BTBD16: variants seen among roughly 807,000 people sequenced by gnomAD.
BTBD16 encodes the protein BTB/POZ domain-containing protein 16.
BTBD16 carries 66 observed loss-of-function variants against 67.4 expected under a neutral mutation model. The ratio of observed to expected loss-of-function variants is 0.98; its 90% confidence interval spans 0.80 to 1.20. BTBD16 has a LOEUF of 1.20. BTBD16 is among the 50% of genes most tolerant of loss of function. The pLI is 0.00. For synonymous variants in BTBD16, 242 were observed against 236.4 expected (o/e 1.02, Z -0.22); for missense variants, 634 against 616.0 (o/e 1.03, Z -0.31).
intron 10 of BTBD16, among the ~76,000 whole-genome samples, chr10:122,317,318 A>G (rs368182065): frequency 1.4e-4 from 21 of 152,276 alleles, no homozygotes; most frequent in African/African-American, 4.8e-4. Context: ...TAAAAAGTTT[A>G]TGTTAATTTT....
chr10:122,311,629 C>T (rs529578674), intron 10 of BTBD16, among the ~76,000 whole-genome samples: 4 of 152,284 alleles, frequency 2.6e-5, no homozygotes, highest in Admixed American at 1.3e-4. Context: ...GGCAAATTTT[C>T]AACTTTTTAA....
intron 2 of BTBD16, among the ~76,000 whole-genome samples, chr10:122,275,557 C>G (rs1349512439): frequency 4.6e-5 from 7 of 152,156 alleles, no homozygotes; most frequent in Admixed American, 4.6e-4. Context: ...GAACTGAGAG[C>G]CTCAGAATGT....
At chr10:122,296,838 G>T (rs1212854656) in intron 7 of BTBD16, among the ~76,000 whole-genome samples, 1 of 152,220 alleles carries the variant, frequency 6.6e-6, no homozygotes. Flanking sequence ...GTCAAAGAGG[G>T]AGAGAGAGGG....
intron 1 of BTBD16, among the ~76,000 whole-genome samples, chr10:122,274,109 C>A (rs1039159547): frequency 6.6e-6 from 1 of 152,178 alleles, no homozygotes; most frequent in Non-Finnish European, 1.5e-5. Flanking sequence ...CATCAAGTGC[C>A]GTGGCTTCTG....
chr10:122,278,603 C>T (rs1171681355), intron 3 of BTBD16, among the ~76,000 whole-genome samples: 1 of 152,224 alleles, frequency 6.6e-6, no homozygotes, highest in Non-Finnish European at 1.5e-5. Context: ...TGCCAGTCAA[C>T]ACCCCCTTTA....
At chr10:122,289,374 G>A (rs11200534) in intron 5 of BTBD16, among the ~76,000 whole-genome samples, 3,403 of 152,264 alleles carry the variant, frequency 0.022, 127 homozygotes, top group African/African-American at 0.078. Flanking sequence ...CGAGGGATAC[G>A]TGGGAACTCT....
chr10:122,313,086 C>G (rs2096417080), intron 10 of BTBD16, among the ~76,000 whole-genome samples: 3 of 151,676 alleles, frequency 2.0e-5, no homozygotes, highest in Admixed American at 2.0e-4. Context: ...CCATGTTGGC[C>G]AGGCTGGTCT....
chr10:122,275,035 T>C lies in BTBD16; in HGVS notation c.-42-5T>C. On this transcript the variant is annotated splice_region_variant and splice_polypyrimidine_tract_variant and intron_variant, in intron 1 of 15. Transcript: ENST00000260723. ...AATGTCACCTTTACCTCTTTTGTCT[T>C]CTAGGTTGCTTGTCTTTTCTCTCCT... 1 of 1,609,114 alleles carries C rather than the reference T, an allele frequency of 6.2e-7. No homozygotes were observed. Among genetic ancestry groups the C allele is most frequent in the Non-Finnish European group, 8.5e-7 (1 of 1,175,580 alleles).
intron 11 of BTBD16, among the ~76,000 whole-genome samples, chr10:122,330,187 A>C (rs1176606934): frequency 6.6e-6 from 1 of 152,140 alleles, no homozygotes; most frequent in African/African-American, 2.4e-5. Flanking sequence ...AACACTCCAG[A>C]AACACTGATT....
Position 122,338,015 on chromosome 10 carries a change from A to G in BTBD16, c.1453-2A>G. ...TTCACTTTGTTTTTTTTCATGTTTT[A>G]GACCTTGAAAATCCAAACTGTGGGC... is the stretch of plus-strand genomic sequence containing the variant. On this transcript the variant is annotated splice_acceptor_variant, in intron 15 of 15. Coordinates refer to ENST00000260723, the MANE Select transcript of BTBD16 (RefSeq NM_144587.5). LOFTEE classifies it high-confidence loss of function. 1 of 1,609,354 alleles carries G rather than the reference A, an allele frequency of 6.2e-7. No homozygotes were observed. The highest frequency in any genetic ancestry group is 8.5e-7 in the Non-Finnish European group (1 of 1,176,186).
chr10:122,287,744 G>C (rs1056476155), intron 5 of BTBD16, among the ~76,000 whole-genome samples: 5 of 152,166 alleles, frequency 3.3e-5, no homozygotes, highest in Admixed American at 1.3e-4. Context: ...TGGATTGCTG[G>C]ACTCTGCAGA....
At chr10:122,316,811 G>A (rs1324782145) in intron 10 of BTBD16, among the ~76,000 whole-genome samples, 5 of 149,378 alleles carry the variant, frequency 3.3e-5, no homozygotes, top group African/African-American at 1.2e-4. Context: ...TTTTTGAAAC[G>A]GAGTTTCACT....
rs141688931 is a variant in BTBD16 at position 122,271,746 on chromosome 10, G to A, written c.-43+232G>A. Reference sequence around the variant, plus strand: ...ACAGGCTCTCAAAACACACGAAGGGGCAGATTGCCTGGTGGGATGAAAAAA... The same window carrying A: ...ACAGGCTCTCAAAACACACGAAGGGACAGATTGCCTGGTGGGATGAAAAAA... On this transcript the variant is annotated intron_variant, in intron 1 of 15. Transcript: ENST00000260723. Among the ~76,000 whole-genome samples the A allele has an allele frequency of 6.8e-3, 1,034 of 152,250 alleles. 12 individuals carry two copies. The highest frequency in any genetic ancestry group is 0.023 in the African/African-American group (975 of 41,554).
At chr10:122,295,184 C>G (rs1176692754) in intron 7 of BTBD16, 1 of 448,470 alleles carries the variant, frequency 2.2e-6, no homozygotes, top group East Asian at 1.6e-4. Flanking sequence ...AGGTAAGGAA[C>G]CAGGTAGAAG....
intron 3 of BTBD16, among the ~76,000 whole-genome samples, chr10:122,277,352 C>A (rs1025733710): frequency 6.6e-6 from 1 of 152,064 alleles, no homozygotes; most frequent in African/African-American, 2.4e-5. Flanking sequence ...CATGGCATTC[C>A]GAGCAGTAGG....
chr10:122,298,152 T>A (rs9633734), intron 8 of BTBD16, among the ~76,000 whole-genome samples: 1 of 151,934 alleles, frequency 6.6e-6, no homozygotes, highest in African/African-American at 2.4e-5. Context: ...GAGGTCTAGA[T>A]TCACCTGGGT....
intron 3 of BTBD16, among the ~76,000 whole-genome samples, chr10:122,282,356 C>T (rs2096354847): frequency 1.3e-5 from 2 of 152,208 alleles, no homozygotes; most frequent in Admixed American, 1.3e-4. Context: ...AAGTCCAGCT[C>T]CCACTGCCTG....
intron 10 of BTBD16, among the ~76,000 whole-genome samples, chr10:122,314,380 T>C (rs908847403): frequency 6.6e-6 from 1 of 152,180 alleles, no homozygotes; most frequent in Non-Finnish European, 1.5e-5. Context: ...GGCACACTCC[T>C]GTAGTCCCAA....
intron 1 of BTBD16, among the ~76,000 whole-genome samples, chr10:122,273,989 T>G (rs569872215): frequency 6.6e-6 from 1 of 152,240 alleles, no homozygotes; most frequent in Non-Finnish European, 1.5e-5. Context: ...TCTCTCCATA[T>G]GGCGACTGCA....
Sources: gnomAD v4.1 joint callset for allele counts (sites outside exome capture counted in the v4.1 genomes callset) on GRCh38, gnomAD v4.1.1 for gene constraint, MANE v1.5 for transcripts, NCBI Gene and HGNC (gene_info 2026-07-23, HGNC 2026-07-21) for gene names.